The following SWT1 variants were observed in gnomAD, a reference collection of about 807,000 sequenced individuals.
The protein encoded by SWT1 is SWT1 RNA endoribonuclease homolog, also known as transcriptional protein SWT1.
Under a neutral mutation model 107.3 loss-of-function variants are expected in SWT1, and 33 were observed. That is an observed-to-expected ratio of 0.31 (90% CI 0.23 to 0.41). The LOEUF (loss-of-function observed/expected upper bound fraction) is 0.41. Ranked by LOEUF, SWT1 falls within the 10% of genes least tolerant of loss-of-function variation. The pLI is 1.00. For synonymous variants in SWT1, 345 were observed against 348.3 expected (o/e 0.99, Z 0.11); for missense variants, 898 against 1,028.9 (o/e 0.87, Z 1.74).
chr1:185,223,722 G>T lies in SWT1; in HGVS notation c.2309+1686G>T, dbSNP rs143794654. Among the ~76,000 whole-genome samples, 596 of 152,220 alleles carry T rather than the reference G, an allele frequency of 3.9e-3. 5 individuals carry two copies. The highest frequency in any genetic ancestry group is 0.013 in the African/African-American group (555 of 41,530). ...TTGTAAACTTGTATCATGGGAGTTT[G>T]TTGTACAGATTATTTCTTCACCCAG... On this transcript the variant is annotated intron_variant, in intron 15 of 18. Transcript: ENST00000367500.
chr1:185,288,331 A>T (rs566963842), intron 18 of SWT1, among the ~76,000 whole-genome samples: 33 of 152,304 alleles, frequency 2.2e-4, no homozygotes, highest in African/African-American at 7.9e-4. Context: ...CTGCTGCCTC[A>T]GCCTTCTGAG....
intron 16 of SWT1, among the ~76,000 whole-genome samples, chr1:185,234,650 A>G (rs898377802): frequency 2.0e-5 from 3 of 152,146 alleles, no homozygotes; most frequent in Non-Finnish European, 4.4e-5. Flanking sequence ...TAATCCTGCC[A>G]TTATGATGTT....
At chr1:185,244,060 T>TA (rs1435164956) in intron 16 of SWT1, among the ~76,000 whole-genome samples, 12 of 152,006 alleles carry the variant, frequency 7.9e-5, no homozygotes, top group African/African-American at 2.9e-4. Flanking sequence ...GAAAGGGAAA[T>TA]ACACTCATAC....
intron 18 of SWT1, among the ~76,000 whole-genome samples, chr1:185,279,153 T>C (rs752320091): frequency 6.6e-6 from 1 of 152,256 alleles, no homozygotes; most frequent in Non-Finnish European, 1.5e-5. Flanking sequence ...TTTACTCATA[T>C]AGATTTTTAC....
intron 2 of SWT1, among the ~76,000 whole-genome samples, chr1:185,164,793 AAC>A (rs2102304929): frequency 6.6e-6 from 1 of 152,338 alleles, no homozygotes; most frequent in Non-Finnish European, 1.5e-5. Context: ...AACCACTCAA[AAC>A]TTGCCCAATA....
intron 16 of SWT1, among the ~76,000 whole-genome samples, chr1:185,260,944 C>T (rs909764443): frequency 6.6e-6 from 1 of 152,052 alleles, no homozygotes; most frequent in African/African-American, 2.4e-5. Flanking sequence ...CCTCAAAAAC[C>T]TCCTTATTTT....
intron 7 of SWT1, among the ~76,000 whole-genome samples, chr1:185,182,507 A>C (rs1656100267): frequency 6.6e-6 from 1 of 151,914 alleles, no homozygotes; most frequent in African/African-American, 2.4e-5. Context: ...CTGTCTACAG[A>C]AAATAAAGTT....
chr1:185,239,139 C>A (rs1242926663), intron 16 of SWT1, among the ~76,000 whole-genome samples: 5 of 151,972 alleles, frequency 3.3e-5, no homozygotes, highest in African/African-American at 1.2e-4. Context: ...TGAATGAAAA[C>A]ATATTTGATA....
chr1:185,198,075 A>G (rs564013558), intron 10 of SWT1, among the ~76,000 whole-genome samples: 2 of 152,230 alleles, frequency 1.3e-5, no homozygotes, highest in African/African-American at 4.8e-5. Flanking sequence ...GTGTGCTTTT[A>G]GTGCTATAAA....
chr1:185,181,871 A>G lies in SWT1; in HGVS notation c.1027-75A>G, dbSNP rs930858495. ...TAAACCATCTCAAGTGAATTAATTA[A>G]GAATTAATTGCTTTCCTCTCTTGTC... On this transcript the variant is annotated intron_variant, in intron 6 of 18. Transcript: ENST00000367500. 1.7e-5 allele frequency: 25 copies of G among 1,486,032 alleles called. No homozygotes were observed. In the East Asian group the frequency reaches 4.4e-4, roughly 26 times the overall value. The allele number at this position is 1,486,032 out of a possible 1,614,324, so 92.1% of individuals were successfully genotyped here. A position where few individuals can be genotyped will look rare whatever the true frequency, so the allele number is the denominator to read the frequency against.
At chr1:185,240,485 C>T (rs1324103763) in intron 16 of SWT1, among the ~76,000 whole-genome samples, 2 of 151,906 alleles carry the variant, frequency 1.3e-5, no homozygotes, top group Non-Finnish European at 2.9e-5. Flanking sequence ...TAAAAGATAT[C>T]TCAAGTGTAT....
At chr1:185,248,744 C>A (rs1661787730) in intron 16 of SWT1, among the ~76,000 whole-genome samples, 2 of 138,624 alleles carry the variant, frequency 1.4e-5, no homozygotes, top group South Asian at 4.6e-4. Flanking sequence ...AAGGAACCTT[C>A]ACTAAAAAGC....
intron 16 of SWT1, among the ~76,000 whole-genome samples, chr1:185,266,111 T>C (rs1558089091): frequency 6.6e-6 from 1 of 152,218 alleles, no homozygotes; most frequent in African/African-American, 2.4e-5. Flanking sequence ...TTGCCCAGGC[T>C]GGAGTGCAGT....
chr1:185,271,269 T>C, intron 16 of SWT1, 54 bp from the exon 17 acceptor site: 1 of 920,042 alleles, frequency 1.1e-6, no homozygotes, highest in Non-Finnish European at 1.8e-6. Flanking sequence ...TTCAAGGTAT[T>C]GGTTTTTTCT....
chr1:185,218,726 G>A (rs1659415358), intron 14 of SWT1, among the ~76,000 whole-genome samples: 1 of 152,168 alleles, frequency 6.6e-6, no homozygotes, highest in Admixed American at 6.5e-5. Flanking sequence ...AGATGATAGA[G>A]TAATTAAAAT....
chr1:185,171,314 A>G (rs988465712), intron 4 of SWT1: 4 of 207,154 alleles, frequency 1.9e-5, no homozygotes, highest in African/African-American at 9.5e-5. Context: ...TTCGTATAAA[A>G]TATTCCACAT....
chr1:185,229,643 C>G (rs1014979320), intron 15 of SWT1, among the ~76,000 whole-genome samples: 10 of 151,784 alleles, frequency 6.6e-5, no homozygotes, highest in African/African-American at 2.4e-4. Context: ...ACAACCACAC[C>G]TCCACACACA....
intron 15 of SWT1, among the ~76,000 whole-genome samples, chr1:185,230,544 G>A (rs2102566015): frequency 6.6e-6 from 1 of 152,234 alleles, no homozygotes; most frequent in African/African-American, 2.4e-5. Context: ...CAAAGACCCT[G>A]TTTCAAATAA....
intron 12 of SWT1, among the ~76,000 whole-genome samples, chr1:185,205,722 G>C (rs1471210602): frequency 1.3e-5 from 2 of 152,130 alleles, no homozygotes; most frequent in East Asian, 3.9e-4. Context: ...TGTTCTGTGA[G>C]ATTCTAATAT....
Sources: gnomAD v4.1 joint callset for allele counts (sites outside exome capture counted in the v4.1 genomes callset) on GRCh38, gnomAD v4.1.1 for gene constraint, MANE v1.5 for transcripts, NCBI Gene and HGNC (gene_info 2026-07-23, HGNC 2026-07-21) for gene names.